The following SDK2 variants were observed in gnomAD, a reference collection of about 807,000 sequenced individuals.
SDK2 encodes the protein sidekick cell adhesion molecule 2, also known as protein sidekick-2.
In SDK2, 105 loss-of-function variants were observed where a neutral mutation model predicts 253.9. The ratio of observed to expected loss-of-function variants is 0.41; its 90% CI spans 0.35 to 0.49. The LOEUF is 0.49. Among genes scored for constraint, SDK2 ranks in the 20% least tolerant of loss-of-function variants. SDK2 has a pLI of 0.06. For synonymous variants in SDK2, 1,249 were observed against 1,234.9 expected, an observed-to-expected ratio of 1.01 and a Z score of -0.24; for missense variants, 2,608 against 3,003.0, an observed-to-expected ratio of 0.87 and a Z score of 3.07.
intron 1 of SDK2, among the ~76,000 whole-genome samples, chr17:73,601,898 C>T (rs1181766717): frequency 6.6e-6 from 1 of 152,180 alleles, no homozygotes; most frequent in African/African-American, 2.4e-5. Flanking sequence ...CACCCAGCAC[C>T]ATGCCCGGCT....
chr17:73,523,435 C>CA (rs2064099412), intron 1 of SDK2, among the ~76,000 whole-genome samples: 1 of 151,900 alleles, frequency 6.6e-6, no homozygotes, highest in African/African-American at 2.4e-5. Flanking sequence ...GTGGTCTTTG[C>CA]AGATGTAATC....
intron 44 of SDK2, among the ~76,000 whole-genome samples, chr17:73,345,595 TC>T (rs2062476206): frequency 2.0e-5 from 3 of 152,146 alleles, no homozygotes; most frequent in Admixed American, 2.0e-4. Context: ...TGAATGAGCT[TC>T]ATAGAGAGCA....
intron 43 of SDK2, among the ~76,000 whole-genome samples, chr17:73,349,131 T>A (rs1330920719): frequency 6.6e-6 from 1 of 152,044 alleles, no homozygotes; most frequent in Non-Finnish European, 1.5e-5. Context: ...TGAGGCCACG[T>A]GTGAAATGCC....
chr17:73,389,344 C>A (rs1299597050), intron 29 of SDK2, among the ~76,000 whole-genome samples: 2 of 142,636 alleles, frequency 1.4e-5, no homozygotes, highest in Non-Finnish European at 2.9e-5. Flanking sequence ...CCACCATGCC[C>A]AGCTAATTTT....
chr17:73,573,437 A>C (rs2045415220), intron 1 of SDK2, among the ~76,000 whole-genome samples: 1 of 152,058 alleles, frequency 6.6e-6, no homozygotes, highest in African/African-American at 2.4e-5. Context: ...CCCCCTTCCC[A>C]ACCCAGTTCC....
intron 4 of SDK2, among the ~76,000 whole-genome samples, chr17:73,449,587 G>C: frequency 7.0e-6 from 1 of 142,592 alleles, no homozygotes; most frequent in East Asian, 2.0e-4. Context: ...GTACCCTAAT[G>C]ATGCCCCCCC....
At chr17:73,472,078 G>A (rs761596605) in intron 3 of SDK2, 34 bp downstream of exon 3, 56 of 1,468,000 alleles carry the variant, frequency 3.8e-5, no homozygotes, top group South Asian at 2.1e-4. Context: ...CACCACAGTC[G>A]CCCCCCCTGC....
chr17:73,375,967 G>T (rs1455399108), intron 36 of SDK2, among the ~76,000 whole-genome samples: 4 of 151,686 alleles, frequency 2.6e-5, no homozygotes, highest in Admixed American at 2.6e-4. Flanking sequence ...AGGCCGAGGT[G>T]GGTGGATCAC....
chr17:73,560,833 C>T (rs1369208139), intron 1 of SDK2, among the ~76,000 whole-genome samples: 4 of 152,222 alleles, frequency 2.6e-5, no homozygotes, highest in African/African-American at 9.6e-5. Flanking sequence ...TGCCCACCCC[C>T]TCCCGATCCT....
chr17:73,492,170 G>A (rs1188394525), intron 2 of SDK2, among the ~76,000 whole-genome samples: 4 of 152,144 alleles, frequency 2.6e-5, no homozygotes, highest in African/African-American at 7.2e-5. Context: ...AGCCCAAGCC[G>A]ACTGCCAGAT....
chr17:73,464,866 C>G (rs749550825), intron 3 of SDK2, among the ~76,000 whole-genome samples: 1 of 152,204 alleles, frequency 6.6e-6, no homozygotes, highest in Non-Finnish European at 1.5e-5. Context: ...TGGGCCTTAT[C>G]TATAACCTAT....
intron 3 of SDK2, among the ~76,000 whole-genome samples, chr17:73,461,956 C>T (rs370254945): frequency 6.7e-6 from 1 of 148,486 alleles, no homozygotes; most frequent in African/African-American, 2.6e-5. Flanking sequence ...TACATGTATG[C>T]ATTATTGGGA....
chr17:73,358,521 T>G (rs2062612515), intron 39 of SDK2, among the ~76,000 whole-genome samples: 1 of 152,134 alleles, frequency 6.6e-6, no homozygotes, highest in African/African-American at 2.4e-5. Flanking sequence ...ATGGGTGATT[T>G]TGATCAATTC....
At chr17:73,368,656 T>C (rs2062707765) in intron 36 of SDK2, 63 bp from the exon 37 acceptor site, 1 of 1,350,536 alleles carries the variant, frequency 7.4e-7, no homozygotes, top group Admixed American at 2.6e-5. Context: ...CTCCTGTCCC[T>C]GCTGACCTGT....
At chr17:73,524,647 G>A (rs750658276) in intron 1 of SDK2, among the ~76,000 whole-genome samples, 1 of 152,222 alleles carries the variant, frequency 6.6e-6, no homozygotes, top group Non-Finnish European at 1.5e-5. Flanking sequence ...AGGCACCTCT[G>A]TGCTCTCTGT....
Position 73,386,520 on chromosome 17 carries a change from G to T in SDK2, c.4423C>A (p.Arg1475=). The T allele has an allele frequency of 1.9e-6, 3 of 1,558,768 alleles. No homozygotes were observed. The highest frequency in any genetic ancestry group is 2.6e-6 in the Non-Finnish European group (3 of 1,151,044). The part of the protein sequence containing the change: ...RLKPFTSYKF[R]VKATNDIGDS... ...CCAATGTCATTGGTCGCCTTCACTC[G>T]GAACTTGTAGGACGTGAAGGGCTTC... is the stretch of plus-strand genomic sequence containing the variant. The change falls in exon 31 of 45, where the codon CGA becomes AGA. Residue 1475 remains arginine, a synonymous_variant. Transcript: ENST00000392650.
chr17:73,601,022 A>ATT (rs1289240579), intron 1 of SDK2, among the ~76,000 whole-genome samples: 7 of 143,350 alleles, frequency 4.9e-5, no homozygotes, highest in Admixed American at 6.9e-5. Context: ...TTAAAAAAAA[A>ATT]TTTTTTTTTT....
In SDK2 at chr17:73,467,594, G is replaced by A. The variant is rs375202774; in HGVS notation, c.331+4518C>T. Among the ~76,000 whole-genome samples, 39 of 152,304 alleles carry A rather than the reference G, an allele frequency of 2.6e-4. No individual in the cohort carries two copies. The highest frequency in any genetic ancestry group is 1.4e-3 in the Admixed American group (22 of 15,302). On this transcript the variant is annotated intron_variant, in intron 3 of 44. Transcript: ENST00000392650. The surrounding 1 kb of genome is among the most constrained non-coding windows in gnomAD (Gnocchi z 4.1). ...TTCTTCAGCTTCTACAGCTAGAGAG[G>A]GAGGCCCCCTGGGATGAGGCCAGTG...
Position 73,394,285 on chromosome 17 carries a change from G to A in SDK2, c.3632C>T (p.Thr1211Ile). Residue 1211 changes from threonine to isoleucine, a missense_variant, in exon 26 of 45, where the codon ACC (threonine) becomes ATC (isoleucine). Coordinates refer to ENST00000392650, the MANE Select transcript of SDK2 (RefSeq NM_001144952.2). ...GCGCACCAGCATGCTGCTGGAGGTG[G>A]TGGCCAGTGCAGACACATTGGTGGG... ...SGPTNVSALA[T>I]TSSSMLVRWS... 1 of 1,602,678 alleles carries A rather than the reference G, an allele frequency of 6.2e-7. No individual in the cohort carries two copies. The highest frequency in any genetic ancestry group is 8.5e-7 in the Non-Finnish European group (1 of 1,172,934).
Sources: allele counts gnomAD v4.1 joint callset (sites outside exome capture counted in the v4.1 genomes callset), GRCh38; gene constraint gnomAD v4.1.1; non-coding constraint Gnocchi (gnomAD v3.1); transcripts MANE v1.5; gene names NCBI Gene and HGNC (gene_info 2026-07-23, HGNC 2026-07-21).